Variants in AGT observed in about 807,000 individuals in gnomAD.
AGT encodes angiotensinogen.
In AGT, 26 loss-of-function variants were observed where a neutral mutation model predicts 28.1. The ratio of observed to expected loss-of-function variants is 0.92; its 90% CI spans 0.68 to 1.28. AGT has a LOEUF of 1.28. Ranked by LOEUF, AGT falls within the 50% of genes most tolerant of loss-of-function variation. AGT has a pLI of 0.00. For missense variants in AGT, 596 were observed against 592.3 expected (o/e 1.01, Z -0.06); for synonymous variants, 259 against 259.6 (o/e 1.00, Z 0.02).
At chr1:230,726,598 G>A (rs560784146) in intron 1 of AGT, among the ~76,000 whole-genome samples, 1 of 152,184 alleles carries the variant, frequency 6.6e-6, no homozygotes, top group South Asian at 2.1e-4. Context: ...AAAAAACATA[G>A]TAAGCATAGC....
At chr1:230,716,877 G>C (rs1241789694), upstream of AGT, among the ~76,000 whole-genome samples, 1 of 151,878 alleles carries the variant, frequency 6.6e-6, no homozygotes, top group African/African-American at 2.4e-5. Flanking sequence ...AGAGCATGAT[G>C]TATTAGTCAG....
chr1:230,710,787 G>A lies in AGT; in HGVS notation c.37C>T (p.Leu13Phe), dbSNP rs753160167. 3 of 1,614,096 alleles carry A rather than the reference G, an allele frequency of 1.9e-6. No homozygotes were observed. Among genetic ancestry groups the A allele is most frequent in the African/African-American group, 2.7e-5 (2 of 74,952 alleles). Residue 13 changes from leucine to phenylalanine, a missense_variant, in exon 2 of 5, where the codon CTC becomes TTC. Physicochemically the swap from Leu to Phe is conservative, Grantham distance 22. Coordinates refer to ENST00000366667, the MANE Select transcript of AGT (RefSeq NM_001384479.1). Reference protein sequence around the residue: ...PAGVSLRATILCLLAWAGLAA... With the variant: ...PAGVSLRATIFCLLAWAGLAA... ...AGGCCAGCCCAGGCCAGGAGGCAGA[G>A]GATGGTGGCCCTCAGGCTCACACCG... is the stretch of plus-strand genomic sequence containing the variant.
At chr1:230,735,197 T>A (rs1353081424) in intron 1 of AGT, among the ~76,000 whole-genome samples, 1 of 152,118 alleles carries the variant, frequency 6.6e-6, no homozygotes, top group Non-Finnish European at 1.5e-5. Flanking sequence ...TTTAAGGGCC[T>A]CACTGAACGC....
chr1:230,713,074 A>G (rs537790185), intron 1 of AGT, among the ~76,000 whole-genome samples: 65 of 152,248 alleles, frequency 4.3e-4, no homozygotes, highest in African/African-American at 1.5e-3. Flanking sequence ...TTCACCCTGC[A>G]GCTTTCCCCA....
chr1:230,710,583 G>A lies in AGT; in HGVS notation c.241C>T (p.Leu81=). The A allele has an allele frequency of 6.2e-7, 1 of 1,614,276 alleles. No individual in the cohort carries two copies. The stretch of plus-strand genomic sequence containing the variant: ...TCGGTGTCAAGTTTTGCAGCGACTA[G>A]CACCAGCTGGTCCTGTAGGGCCTTT... ...DEKALQDQLV[L]VAAKLDTEDK... is the part of the protein sequence containing the mutation. Residue 81 remains leucine, a synonymous_variant, in exon 2 of 5, where the codon CTA becomes TTA. Transcript: ENST00000366667.
At chr1:230,737,589 G>A (rs1263975635) in intron 1 of AGT, among the ~76,000 whole-genome samples, 1 of 152,166 alleles carries the variant, frequency 6.6e-6, no homozygotes, top group Non-Finnish European at 1.5e-5. Flanking sequence ...TGAGATTACA[G>A]GCTTGAGCCA....
At chr1:230,720,467 A>G (rs962924998) in intron 1 of AGT, among the ~76,000 whole-genome samples, 18 of 152,048 alleles carry the variant, frequency 1.2e-4, no homozygotes, top group African/African-American at 4.1e-4. Flanking sequence ...TCACTTTCCT[A>G]CTAAGGGCAG....
intron 1 of AGT, among the ~76,000 whole-genome samples, chr1:230,724,239 C>A (rs1235523371): frequency 1.3e-5 from 2 of 152,206 alleles, no homozygotes; most frequent in Non-Finnish European, 2.9e-5. Context: ...ATAGAAAAAG[C>A]TTGCTAACCC....
intron 1 of AGT, among the ~76,000 whole-genome samples, chr1:230,729,726 C>A (rs1408698825): frequency 6.6e-6 from 1 of 152,158 alleles, no homozygotes; most frequent in Non-Finnish European, 1.5e-5. Flanking sequence ...ACCTCAGTTG[C>A]CAGGTAAAGT....
At chr1:230,718,107 T>A (rs1663774224), upstream of AGT, among the ~76,000 whole-genome samples, 1 of 152,058 alleles carries the variant, frequency 6.6e-6, no homozygotes, top group South Asian at 2.1e-4. Context: ...TCTGGCTAAT[T>A]TTTTTATTTT....
intron 1 of AGT, among the ~76,000 whole-genome samples, chr1:230,742,751 C>T (rs1664269325): frequency 6.6e-6 from 1 of 152,166 alleles, no homozygotes; most frequent in Non-Finnish European, 1.5e-5. Flanking sequence ...TTACCATTCC[C>T]CCAACAGAGG....
At position 230,734,892 on chromosome 1, in the gene AGT, G is replaced by T. The variant is rs564623733; in HGVS notation, c.-31+10623C>A. ...GCCTGGCTAACTTTTTTTTTTGTAT[G>T]TTTAGTAGAGACAGGGTTTCACCAT... On this transcript the variant is annotated intron_variant, in intron 1 of 4. Transcript: ENST00000681269. Among the ~76,000 whole-genome samples, 597 of 151,504 alleles carry T rather than the reference G, an allele frequency of 3.9e-3. 2 individuals carry two copies. Among genetic ancestry groups the T allele is most frequent in the Middle Eastern group, 0.021 (6 of 292 alleles).
chr1:230,715,632 C>T (rs1243941524), upstream of AGT, among the ~76,000 whole-genome samples: 1 of 152,238 alleles, frequency 6.6e-6, no homozygotes, highest in African/African-American at 2.4e-5. Flanking sequence ...GGCTGTGCCA[C>T]TAACTAGTTG....
chr1:230,707,601 T>C (rs1254904538), intron 2 of AGT, among the ~76,000 whole-genome samples: 1 of 152,160 alleles, frequency 6.6e-6, no homozygotes, highest in Non-Finnish European at 1.5e-5. Flanking sequence ...CGGAAGGGCA[T>C]GTGAGCGGGA....
chr1:230,729,979 G>A (rs1046289332), intron 1 of AGT, among the ~76,000 whole-genome samples: 45 of 152,124 alleles, frequency 3.0e-4, no homozygotes, highest in Non-Finnish European at 5.1e-4. Flanking sequence ...GGCTAACACG[G>A]TGAAAACCCA....
Position 230,710,223 on chromosome 1 carries a change from C to T in AGT, c.601G>A (p.Gly201Ser), listed in dbSNP as rs1334744565. Residue 201 changes from glycine to serine, a missense_variant, in exon 2 of 5, where the codon GGC becomes AGC. Gly to Ser is a moderately conservative substitution (Grantham distance 56). Coordinates refer to ENST00000366667, the MANE Select transcript of AGT (RefSeq NM_001384479.1). ...QAQLLLSTVV[G>S]VFTAPGLHLK... is the part of the protein sequence containing the mutation. ...TGCAGGCCTGGGGCTGTGAACACGC[C>T]CACCACCGTGGACAGCAGCAGCTGG... 5 of 1,613,552 alleles carry T rather than the reference C, an allele frequency of 3.1e-6. No individual in the cohort carries two copies. The East Asian group carries it at 8.9e-5, about 29-fold the overall frequency.
At position 230,739,050 on chromosome 1, in the gene AGT, A is replaced by G. The variant is rs541611008; in HGVS notation, c.-31+6465T>C. Among the ~76,000 whole-genome samples the G allele has an allele frequency of 3.9e-5, 6 of 152,226 alleles. No homozygotes were observed. The South Asian group carries it at 6.2e-4, about 16-fold the overall frequency. On this transcript the variant is annotated intron_variant, in intron 1 of 4. Coordinates refer to the AGT transcript ENST00000681269. Reference sequence around the variant, plus strand: ...TGCTACTATGTAACAGACTTTATCAATGTTCCCTCCAATTAAACATAATAA... The same window carrying G: ...TGCTACTATGTAACAGACTTTATCAGTGTTCCCTCCAATTAAACATAATAA...
intron 1 of AGT, among the ~76,000 whole-genome samples, chr1:230,720,154 T>C (rs934014530): frequency 4.6e-5 from 7 of 152,236 alleles, no homozygotes; most frequent in Non-Finnish European, 7.4e-5. Context: ...GGGGTTAATA[T>C]GAAACACGTG....
intron 2 of AGT, among the ~76,000 whole-genome samples, chr1:230,708,925 G>A (rs112498708): frequency 2.0e-5 from 3 of 152,238 alleles, no homozygotes; most frequent in African/African-American, 7.2e-5. Flanking sequence ...CCATTTTCTG[G>A]TTCAACACTC....
Sources: gnomAD v4.1 joint callset for allele counts (sites outside exome capture counted in the v4.1 genomes callset) on GRCh38, gnomAD v4.1.1 for gene constraint, MANE v1.5 for transcripts, NCBI Gene and HGNC (gene_info 2026-07-23, HGNC 2026-07-21) for gene names.